The following CPEB3 variants were observed in gnomAD, a reference collection of about 807,000 sequenced individuals.
The protein encoded by CPEB3 is cytoplasmic polyadenylation element binding protein 3.
A neutral mutation model predicts 67.2 loss-of-function variants in CPEB3; 20 were observed. That is an observed-to-expected ratio of 0.30 (90% CI 0.21 to 0.43). The LOEUF (loss-of-function observed/expected upper bound fraction) is 0.43. Ranked by LOEUF, CPEB3 falls within the 20% of genes least tolerant of loss-of-function variation. The pLI is 1.00. For missense variants in CPEB3, 746 were observed against 968.6 expected (o/e 0.77, Z 3.05); for synonymous variants, 376 against 393.1 (o/e 0.96, Z 0.51).
intron 1 of CPEB3, among the ~76,000 whole-genome samples, chr10:92,246,074 G>T (rs1852049103): frequency 6.6e-6 from 1 of 150,896 alleles, no homozygotes; most frequent in South Asian, 2.1e-4. Context: ...GGTGGCTCAA[G>T]CCTGTAATCC....
chr10:92,055,441 A>C (rs534994660), intron 9 of CPEB3, among the ~76,000 whole-genome samples: 68 of 152,324 alleles, frequency 4.5e-4, no homozygotes, highest in African/African-American at 8.7e-4. Flanking sequence ...CATATCTTGA[A>C]TGTTGATGTT....
intron 3 of CPEB3, among the ~76,000 whole-genome samples, chr10:92,187,228 G>C (rs779587143): frequency 1.3e-4 from 20 of 152,204 alleles, no homozygotes; most frequent in Non-Finnish European, 2.5e-4. Flanking sequence ...GGCATTATCT[G>C]TTTTAAAGCA....
chr10:92,109,594 C>T (rs1399294940), intron 7 of CPEB3, among the ~76,000 whole-genome samples: 1 of 152,108 alleles, frequency 6.6e-6, no homozygotes, highest in African/African-American at 2.4e-5. Flanking sequence ...CTTGTTTCTT[C>T]TTTGGGTACA....
intron 1 of CPEB3, among the ~76,000 whole-genome samples, chr10:92,273,766 C>G (rs141834494): frequency 3.9e-5 from 6 of 152,300 alleles, no homozygotes; most frequent in African/African-American, 7.2e-5. Context: ...TTCCTCATCT[C>G]TTAAATGGAG....
chr10:92,078,817 G>C (rs1178903107), intron 9 of CPEB3, among the ~76,000 whole-genome samples: 1 of 152,186 alleles, frequency 6.6e-6, no homozygotes, highest in African/African-American at 2.4e-5. Context: ...CCTCGCAGTA[G>C]CTGTGAGAAT....
chr10:92,163,175 C>T (rs1324049504), intron 4 of CPEB3, among the ~76,000 whole-genome samples: 3 of 152,212 alleles, frequency 2.0e-5, no homozygotes, highest in South Asian at 2.1e-4. Flanking sequence ...TGGCTCACAC[C>T]TGTAATCCCA....
intron 6 of CPEB3, among the ~76,000 whole-genome samples, chr10:92,124,338 T>G (rs890079665): frequency 6.6e-6 from 1 of 152,228 alleles, no homozygotes; most frequent in African/African-American, 2.4e-5. Context: ...ACTTTATAGT[T>G]CATCTTCAAT....
intron 6 of CPEB3, among the ~76,000 whole-genome samples, chr10:92,119,646 A>T (rs989797397): frequency 6.6e-5 from 10 of 152,048 alleles, no homozygotes; most frequent in African/African-American, 2.4e-4. Flanking sequence ...TTATTCAAAG[A>T]AGAGAGGTGA....
chr10:92,282,752 A>C (rs540703430), intron 1 of CPEB3, among the ~76,000 whole-genome samples: 156 of 152,302 alleles, frequency 1.0e-3, no homozygotes, highest in African/African-American at 3.5e-3. Flanking sequence ...TCTGGGGACC[A>C]AAGTCTCCTC....
At chr10:92,087,852 G>C (rs1379995519) in intron 8 of CPEB3, among the ~76,000 whole-genome samples, 1 of 152,174 alleles carries the variant, frequency 6.6e-6, no homozygotes, top group Non-Finnish European at 1.5e-5. Flanking sequence ...GTACTTCCAG[G>C]TGGCAGCAGG....
Position 92,047,247 on chromosome 10 carries a change from G to C in CPEB3, c.*4965C>G, listed in dbSNP as rs1852140271. The C allele has an allele frequency of 6.8e-6, 1 of 147,028 alleles. No individual in the cohort carries two copies. The highest frequency in any genetic ancestry group is 2.4e-5 in the African/African-American group (1 of 41,092). The allele number at this position is 147,028 out of a possible 1,614,324, so 9.1% of individuals were successfully genotyped here. ...ACACTATTGCAGCTGAGATAGAGAAGTTTGGTTATTATAAAAGAAAAAAAA... is the reference window on the plus strand; with the variant it reads ...ACACTATTGCAGCTGAGATAGAGAACTTTGGTTATTATAAAAGAAAAAAAA... On this transcript the variant is annotated 3_prime_UTR_variant, in exon 10 of 10. Coordinates refer to ENST00000265997, the MANE Select transcript of CPEB3 (RefSeq NM_014912.5).
intron 2 of CPEB3, among the ~76,000 whole-genome samples, chr10:92,223,270 T>C (rs868273683): frequency 6.6e-6 from 1 of 152,194 alleles, no homozygotes; most frequent in Non-Finnish European, 1.5e-5. Flanking sequence ...CTAATAAGGT[T>C]TTCCTTTCCA....
At chr10:92,081,227 C>A in intron 9 of CPEB3, 93 bp downstream of exon 9, 1 of 1,318,034 alleles carries the variant, frequency 7.6e-7, no homozygotes, top group Admixed American at 1.7e-5. Flanking sequence ...TAGAGCTGGT[C>A]ACTTATGATC....
chr10:92,167,211 A>C (rs1436911128), intron 4 of CPEB3, among the ~76,000 whole-genome samples: 1 of 152,158 alleles, frequency 6.6e-6, no homozygotes, highest in Non-Finnish European at 1.5e-5. Context: ...CAACAATAAG[A>C]CTATTTCGCT....
At chr10:92,069,554 C>A (rs554426457) in intron 9 of CPEB3, among the ~76,000 whole-genome samples, 3 of 152,192 alleles carry the variant, frequency 2.0e-5, no homozygotes, top group African/African-American at 7.2e-5. Flanking sequence ...TAGGCACGTA[C>A]CACTACCGTC....
chr10:92,077,798 G>A (rs1288004583), intron 9 of CPEB3, among the ~76,000 whole-genome samples: 1 of 136,692 alleles, frequency 7.3e-6, no homozygotes. Flanking sequence ...GAGAGGAGGG[G>A]AAGAAAATGG....
intron 1 of CPEB3, among the ~76,000 whole-genome samples, chr10:92,252,828 A>G (rs1852356174): frequency 6.6e-6 from 1 of 152,080 alleles, no homozygotes; most frequent in Non-Finnish European, 1.5e-5. Context: ...CCTGACTCCA[A>G]CTGTATAAAA....
intron 1 of CPEB3, among the ~76,000 whole-genome samples, chr10:92,252,961 T>C (rs1852362486): frequency 6.6e-6 from 1 of 152,110 alleles, no homozygotes. Context: ...TCTCGCTCTG[T>C]TGCCTAGGCT....
At chr10:92,185,620 T>C (rs1038290423) in intron 3 of CPEB3, among the ~76,000 whole-genome samples, 5 of 152,142 alleles carry the variant, frequency 3.3e-5, no homozygotes, top group African/African-American at 1.2e-4. Context: ...CAATATGTTA[T>C]GAGATAGGGA....
Sources: allele counts gnomAD v4.1 joint callset (sites outside exome capture counted in the v4.1 genomes callset), GRCh38; gene constraint gnomAD v4.1.1; transcripts MANE v1.5; gene names NCBI Gene and HGNC (gene_info 2026-07-23, HGNC 2026-07-21).